ZNF92: variants seen among roughly 807,000 people sequenced by gnomAD.
ZNF92 encodes the protein zinc finger protein 92, also known as epididymis luminal protein 203.
A neutral mutation model predicts 12.4 loss-of-function variants in ZNF92; 11 were observed. That is an observed-to-expected ratio of 0.89 (90% CI 0.56 to 1.47). The LOEUF is 1.47. ZNF92 is among the 40% of genes most tolerant of loss of function. The pLI, the probability that ZNF92 is intolerant of heterozygous loss-of-function variation, is 0.00. For missense variants in ZNF92, 622 were observed against 681.0 expected (o/e 0.91, Z 0.96); for synonymous variants, 206 against 228.6 (o/e 0.90, Z 0.89).
At chr7:65,390,249 C>T (rs188709029) in intron 3 of ZNF92, among the ~76,000 whole-genome samples, 132 of 151,694 alleles carry the variant, frequency 8.7e-4, no homozygotes, top group Non-Finnish European at 1.6e-3. Flanking sequence ...AACTTTTTAC[C>T]TATCTGTCTT....
chr7:65,399,641 C>T lies in ZNF92; in HGVS notation c.1527C>T (p.Tyr509=), dbSNP rs1194702152. Residue 509 remains tyrosine, a synonymous_variant, in exon 4 of 4, where the codon TAC becomes TAT. Transcript: ENST00000328747. ...HKIIHTEGKS[Y]KCEKCGNAFN... is the part of the protein sequence containing the mutation. Reference sequence around the variant, plus strand: ...TAATTCACACTGAAGGGAAATCCTACAAATGTGAAAAATGTGGCAATGCTT... The same window carrying T: ...TAATTCACACTGAAGGGAAATCCTATAAATGTGAAAAATGTGGCAATGCTT... 1.2e-6 allele frequency: 2 copies of T among 1,613,750 alleles called. No individual in the cohort carries two copies. Among genetic ancestry groups the T allele is most frequent in the South Asian group, 2.2e-5 (2 of 91,058 alleles).
At chr7:65,391,553 C>T (rs1473678459) in intron 3 of ZNF92, among the ~76,000 whole-genome samples, 1 of 151,976 alleles carries the variant, frequency 6.6e-6, no homozygotes, top group Non-Finnish European at 1.5e-5. Context: ...ACTTTTTAGC[C>T]TATATCTAAG....
chr7:65,398,769 C>T lies in ZNF92; in HGVS notation c.655C>T (p.His219Tyr), dbSNP rs750619900. ...AFNWSSTLTK[H>Y]KIIHTGEKPY... Reference sequence around the variant, plus strand: ...TAACTGGTCCTCAACCCTTACTAAACATAAGATAATTCATACTGGAGAAAA... The same window carrying T: ...TAACTGGTCCTCAACCCTTACTAAATATAAGATAATTCATACTGGAGAAAA... Residue 219 changes from histidine (H) to tyrosine (Y), a missense_variant, in exon 4 of 4, where the codon CAT (histidine) becomes TAT (tyrosine). By Grantham distance (83) the His-to-Tyr change is moderately conservative. Transcript: ENST00000328747. 8 of 1,612,994 alleles carry T rather than the reference C, an allele frequency of 5.0e-6. No individual in the cohort carries two copies. The East Asian group carries it at 1.1e-4, about 22-fold the overall frequency.
At chr7:65,386,500 T>C (rs531706028) in intron 1 of ZNF92, among the ~76,000 whole-genome samples, 1 of 152,194 alleles carries the variant, frequency 6.6e-6, no homozygotes, top group South Asian at 2.1e-4. Context: ...AAGGAGAACA[T>C]GTAATATTGA....
At chr7:65,385,802 G>T (rs1354755884) in intron 1 of ZNF92, among the ~76,000 whole-genome samples, 1 of 151,914 alleles carries the variant, frequency 6.6e-6, no homozygotes, top group Non-Finnish European at 1.5e-5. Context: ...TTTCTCCAGA[G>T]AATCATCTGA....
At chr7:65,386,804 A>G (rs981310584) in intron 1 of ZNF92, among the ~76,000 whole-genome samples, 11 of 152,116 alleles carry the variant, frequency 7.2e-5, no homozygotes, top group Non-Finnish European at 1.3e-4. Flanking sequence ...CCTTCTGTTC[A>G]TCAGCACATT....
chr7:65,376,668 A>T (rs1161426499), intron 1 of ZNF92, among the ~76,000 whole-genome samples: 1 of 151,972 alleles, frequency 6.6e-6, no homozygotes, highest in Non-Finnish European at 1.5e-5. Context: ...GCTGGTCTTG[A>T]ACTCCTGACC....
intron 3 of ZNF92, among the ~76,000 whole-genome samples, chr7:65,394,033 T>C (rs1793789398): frequency 6.6e-6 from 1 of 152,082 alleles, no homozygotes; most frequent in South Asian, 2.1e-4. Flanking sequence ...CTAGGGGACG[T>C]TGTCACTCTC....
At chr7:65,379,560 A>G (rs1472814845) in intron 1 of ZNF92, among the ~76,000 whole-genome samples, 2 of 151,958 alleles carry the variant, frequency 1.3e-5, no homozygotes, top group African/African-American at 4.8e-5. Context: ...TTACAAACAT[A>G]CTCACTAGAC....
intron 1 of ZNF92, among the ~76,000 whole-genome samples, chr7:65,382,991 A>G (rs1355374029): frequency 6.6e-6 from 1 of 152,158 alleles, no homozygotes; most frequent in Non-Finnish European, 1.5e-5. Flanking sequence ...TAATAATGCT[A>G]CGCTGAACAC....
At chr7:65,381,488 T>A (rs568146132) in intron 1 of ZNF92, among the ~76,000 whole-genome samples, 8 of 152,062 alleles carry the variant, frequency 5.3e-5, no homozygotes, top group Non-Finnish European at 1.2e-4. Flanking sequence ...CTGTTGATAG[T>A]TTCTTGTGGG....
chr7:65,377,713 C>T (rs1377495686), intron 1 of ZNF92, among the ~76,000 whole-genome samples: 6 of 151,800 alleles, frequency 4.0e-5, no homozygotes, highest in African/African-American at 9.7e-5. Context: ...ACTACAGGCT[C>T]GTGCCACCAC....
intron 1 of ZNF92, among the ~76,000 whole-genome samples, chr7:65,387,139 C>T (rs551554136): frequency 3.3e-5 from 5 of 152,018 alleles, no homozygotes; most frequent in African/African-American, 9.6e-5. Context: ...TGGGGTTTCA[C>T]CATGTTAGCC....
At chr7:65,376,483 G>T (rs1364386827) in intron 1 of ZNF92, among the ~76,000 whole-genome samples, 1 of 151,576 alleles carries the variant, frequency 6.6e-6, no homozygotes, top group African/African-American at 2.4e-5. Flanking sequence ...CTCTTGCTCT[G>T]TCACCCAGGC....
Position 65,399,418 on chromosome 7 carries a change from G to T in ZNF92, c.1304G>T (p.Ser435Ile). The change falls in exon 4 of 4, where the codon AGC becomes ATC. Residue 435 changes from serine to isoleucine, a missense_variant. By Grantham distance (142) the Ser-to-Ile change is moderately radical. Transcript: ENST00000328747. ...TGTGAAAAATGTGGCAAGGCCTTTA[G>T]CTGGTCCTCAGCTTTTACTAAACAT... ...YKCEKCGKAF[S>I]WSSAFTKHKR... is the part of the protein sequence containing the mutation. 1 of 1,606,864 alleles carries T rather than the reference G, an allele frequency of 6.2e-7. No homozygotes were observed. The highest frequency in any genetic ancestry group is 1.7e-4 in the Middle Eastern group (1 of 5,980).
At chr7:65,376,685 T>A (rs1793251269) in intron 1 of ZNF92, among the ~76,000 whole-genome samples, 1 of 152,134 alleles carries the variant, frequency 6.6e-6, no homozygotes, top group Non-Finnish European at 1.5e-5. Context: ...GACCTCGTGA[T>A]CTGCCCACCT....
At chr7:65,385,608 G>A (rs766469994) in intron 1 of ZNF92, among the ~76,000 whole-genome samples, 10 of 152,096 alleles carry the variant, frequency 6.6e-5, no homozygotes, top group Non-Finnish European at 8.8e-5. Context: ...ATCTGAGGAC[G>A]GGAAAGGAGA....
intron 1 of ZNF92, among the ~76,000 whole-genome samples, chr7:65,376,790 G>A (rs943623837): frequency 6.6e-6 from 1 of 152,016 alleles, no homozygotes; most frequent in African/African-American, 2.4e-5. Context: ...TAATTCTAAG[G>A]CTTAGCTTTT....
chr7:65,374,994 T>C (rs1190407365), intron 1 of ZNF92, among the ~76,000 whole-genome samples: 1 of 152,058 alleles, frequency 6.6e-6, no homozygotes, highest in Non-Finnish European at 1.5e-5. Flanking sequence ...TTAGTGTACA[T>C]TTTCGATGGC....
Sources: gnomAD v4.1 joint callset for allele counts (sites outside exome capture counted in the v4.1 genomes callset) on GRCh38, gnomAD v4.1.1 for gene constraint, MANE v1.5 for transcripts, NCBI Gene and HGNC (gene_info 2026-07-23, HGNC 2026-07-21) for gene names.